The following CTNND2 variants were observed in gnomAD, a reference collection of about 807,000 sequenced individuals.
CTNND2 encodes the protein catenin delta 2.
Under a neutral mutation model 144.4 loss-of-function variants are expected in CTNND2, and 22 were observed. That is an observed-to-expected ratio of 0.15 (90% CI 0.11 to 0.22). The LOEUF is 0.22. CTNND2 is among the 10% of genes least tolerant of loss of function. The pLI is 1.00. For synonymous variants in CTNND2, 751 were observed against 695.6 expected (o/e 1.08, Z -1.25); for missense variants, 1,353 against 1,618.8 (o/e 0.84, Z 2.82).
chr5:11,766,979 G>C (rs1200087332), intron 1 of CTNND2, among the ~76,000 whole-genome samples: 1 of 152,014 alleles, frequency 6.6e-6, no homozygotes. Flanking sequence ...TTGCATGCCA[G>C]AGCTCACCCT....
chr5:11,507,679 A>T (rs1581368143), intron 3 of CTNND2, among the ~76,000 whole-genome samples: 2 of 152,238 alleles, frequency 1.3e-5, no homozygotes, highest in East Asian at 3.9e-4. Flanking sequence ...GCTTTTAATG[A>T]TCTGTGCTGT....
At chr5:11,125,802 C>T (rs1754616282) in intron 12 of CTNND2, among the ~76,000 whole-genome samples, 1 of 152,238 alleles carries the variant, frequency 6.6e-6, no homozygotes, top group Non-Finnish European at 1.5e-5. Flanking sequence ...CCACACTCTT[C>T]GCTTTCCCTT....
At chr5:11,767,845 T>C (rs972386079) in intron 1 of CTNND2, among the ~76,000 whole-genome samples, 1 of 152,194 alleles carries the variant, frequency 6.6e-6, no homozygotes, top group African/African-American at 2.4e-5. Flanking sequence ...GGCTAGACCA[T>C]TGTACATTAT....
intron 1 of CTNND2, among the ~76,000 whole-genome samples, chr5:11,872,876 A>G (rs1009945177): frequency 1.3e-5 from 2 of 152,196 alleles, no homozygotes; most frequent in Non-Finnish European, 2.9e-5. Context: ...TTCAACATAA[A>G]TACTAAAACC....
chr5:11,229,185 T>C lies in CTNND2; in HGVS notation c.1761+7506A>G, dbSNP rs553935863. On this transcript the variant is annotated intron_variant, in intron 10 of 21. Transcript: ENST00000304623. ...AGTACAAGTCAATCCTTCTCACATATAAAGTCACATAATAAAGTTTGAATT... is the reference window on the plus strand; with the variant it reads ...AGTACAAGTCAATCCTTCTCACATACAAAGTCACATAATAAAGTTTGAATT... Among the ~76,000 whole-genome samples the C allele has an allele frequency of 9.8e-5, 15 of 152,312 alleles. No individual in the cohort carries two copies. In the South Asian group the frequency reaches 2.7e-3, roughly 27 times the overall value.
At chr5:11,890,808 G>A (rs1366111215) in intron 1 of CTNND2, among the ~76,000 whole-genome samples, 3 of 152,172 alleles carry the variant, frequency 2.0e-5, no homozygotes, top group East Asian at 1.9e-4. Flanking sequence ...ACTTGCTTTC[G>A]CAGGATGATC....
intron 9 of CTNND2, among the ~76,000 whole-genome samples, chr5:11,304,536 T>C (rs889075909): frequency 2.0e-5 from 3 of 152,216 alleles, no homozygotes; most frequent in Non-Finnish European, 4.4e-5. Flanking sequence ...TTGGTCCCTC[T>C]AAAAAATATA....
chr5:11,669,188 G>A (rs1394028022), intron 2 of CTNND2, among the ~76,000 whole-genome samples: 1 of 152,076 alleles, frequency 6.6e-6, no homozygotes, highest in African/African-American at 2.4e-5. Flanking sequence ...GAGGATTTTC[G>A]CAGTGATGTT....
intron 15 of CTNND2, 22 bp from the exon 16 acceptor site, chr5:11,082,868 AG>A: frequency 6.2e-7 from 1 of 1,611,772 alleles, no homozygotes; most frequent in South Asian, 1.1e-5. Context: ...GGGAAGGCGA[AG>A]GGCGTTAGAA....
intron 9 of CTNND2, among the ~76,000 whole-genome samples, chr5:11,275,555 C>G (rs563813503): frequency 6.6e-6 from 1 of 152,340 alleles, no homozygotes; most frequent in Admixed American, 6.5e-5. Context: ...CTATCCACCA[C>G]TCTGAGTTGC....
chr5:11,364,457 A>C, intron 8 of CTNND2: 1 of 393,138 alleles, frequency 2.5e-6, no homozygotes, highest in East Asian at 4.2e-5. Context: ...TTTCTCTTTG[A>C]CAAAATGAGC....
intron 1 of CTNND2, among the ~76,000 whole-genome samples, chr5:11,866,587 C>A (rs187547143): frequency 2.4e-4 from 37 of 152,312 alleles, no homozygotes; most frequent in African/African-American, 8.7e-4. Flanking sequence ...ACTGGGAGAA[C>A]TGAAGGAGAT....
At chr5:11,576,424 T>C (rs1777976133) in intron 2 of CTNND2, among the ~76,000 whole-genome samples, 1 of 150,294 alleles carries the variant, frequency 6.7e-6, no homozygotes, top group Non-Finnish European at 1.5e-5. Flanking sequence ...TAAATATATA[T>C]AATTTTAAAA....
At chr5:11,759,822 T>C (rs1021172076) in intron 1 of CTNND2, among the ~76,000 whole-genome samples, 1 of 152,160 alleles carries the variant, frequency 6.6e-6, no homozygotes, top group African/African-American at 2.4e-5. Context: ...TATCCTCTTT[T>C]CTAGATGATG....
Position 11,641,663 on chromosome 5 carries a change from C to T in CTNND2, c.175-76607G>A, listed in dbSNP as rs112482110. The stretch of plus-strand genomic sequence containing the variant: ...GTATATACATATACGTGTGTATATA[C>T]ATATACGTGTGTATATACATATACG... On this transcript the variant is annotated intron_variant, in intron 2 of 21. Transcript: ENST00000304623. Among the ~76,000 whole-genome samples the T allele has an allele frequency of 5.9e-4, 76 of 127,932 alleles. 1 individual carries two copies. The highest frequency in any genetic ancestry group is 2.2e-3 in the African/African-American group (69 of 31,088). The allele number at this position is 127,932 out of a possible 152,430, so 83.9% of individuals were successfully genotyped here. A position where few individuals can be genotyped will look rare whatever the true frequency, so the allele number is the denominator to read the frequency against.
intron 10 of CTNND2, among the ~76,000 whole-genome samples, chr5:11,210,709 T>G (rs1738543165): frequency 6.6e-6 from 1 of 152,220 alleles, no homozygotes; most frequent in East Asian, 1.9e-4. Context: ...AACTTAATTA[T>G]TTGAAAATCA....
At chr5:11,081,451 G>A (rs1172292903) in intron 16 of CTNND2, among the ~76,000 whole-genome samples, 4 of 152,128 alleles carry the variant, frequency 2.6e-5, no homozygotes, top group African/African-American at 4.8e-5. Flanking sequence ...AAGTGTTTTC[G>A]GATTTTAGAT....
At chr5:11,601,637 AATAC>A (rs781102660) in intron 2 of CTNND2, among the ~76,000 whole-genome samples, 96 of 152,274 alleles carry the variant, frequency 6.3e-4, no homozygotes, top group Admixed American at 2.7e-3. Context: ...ATGTCATAAT[AATAC>A]ATAAATATAT....
chr5:11,017,328 T>C (rs1189963889), intron 18 of CTNND2, among the ~76,000 whole-genome samples: 1 of 152,026 alleles, frequency 6.6e-6, no homozygotes, highest in Non-Finnish European at 1.5e-5. Flanking sequence ...GTATGCGATA[T>C]GAATTCCTGC....
Sources: gnomAD v4.1 joint callset for allele counts (sites outside exome capture counted in the v4.1 genomes callset) on GRCh38, gnomAD v4.1.1 for gene constraint, MANE v1.5 for transcripts, NCBI Gene and HGNC (gene_info 2026-07-23, HGNC 2026-07-21) for gene names.